ATP2A2: variants seen among roughly 807,000 people sequenced by gnomAD.
ATP2A2 encodes the protein ATPase sarcoplasmic/endoplasmic reticulum Ca2+ transporting 2, also known as sarcoplasmic/endoplasmic reticulum calcium ATPase 2.
In ATP2A2, 14 loss-of-function variants were observed where a neutral mutation model predicts 109.3. That is an observed-to-expected ratio of 0.13 (90% confidence interval 0.08 to 0.20). The LOEUF is 0.20. Among genes scored for constraint, ATP2A2 ranks in the 10% least tolerant of loss-of-function variants. ATP2A2 has a pLI of 1.00. For synonymous variants in ATP2A2, 506 were observed against 490.9 expected, an observed-to-expected ratio of 1.03 and a Z score of -0.41; for missense variants, 657 against 1,321.6, an observed-to-expected ratio of 0.50 and a Z score of 7.80.
At chr12:110,285,123 GACTT>G (rs149542264) in intron 3 of ATP2A2, among the ~76,000 whole-genome samples, 3,393 of 152,218 alleles carry the variant, frequency 0.022, 127 homozygotes, top group African/African-American at 0.076. Context: ...GAATATTAGT[GACTT>G]ACTTCAAATA....
rs1879732190 is a variant in ATP2A2 at position 110,345,246 on chromosome 12, C to T, written c.2608-3C>T. 6.2e-7 allele frequency: 1 copy of T among 1,614,122 alleles called. No homozygotes were observed. ...ATAGGAATTTGATTGGATTTTCTTGCAGAGTCATTTCCTACAGTGTAAAGA... is the reference window on the plus strand; with the variant it reads ...ATAGGAATTTGATTGGATTTTCTTGTAGAGTCATTTCCTACAGTGTAAAGA... On this transcript the variant is annotated splice_region_variant and splice_polypyrimidine_tract_variant and intron_variant, in intron 17 of 19. Transcript: ENST00000539276.
intron 11 of ATP2A2, among the ~76,000 whole-genome samples, chr12:110,338,054 G>A (rs1243400097): frequency 2.0e-5 from 3 of 152,242 alleles, no homozygotes; most frequent in South Asian, 4.1e-4. Context: ...TCTTCACTTG[G>A]CTTCCACGAT....
chr12:110,314,232 G>A (rs1876414374), intron 5 of ATP2A2, among the ~76,000 whole-genome samples: 2 of 151,900 alleles, frequency 1.3e-5, no homozygotes, highest in Admixed American at 1.3e-4. Context: ...GGAGGCTGAG[G>A]CAAGAGAATC....
At chr12:110,321,505 C>G (rs908178365) in intron 5 of ATP2A2, among the ~76,000 whole-genome samples, 1 of 152,208 alleles carries the variant, frequency 6.6e-6, no homozygotes, top group African/African-American at 2.4e-5. Flanking sequence ...AAGTCTCGCT[C>G]TGTCTCCAAA....
intron 11 of ATP2A2, among the ~76,000 whole-genome samples, chr12:110,334,569 T>C (rs1280204275): frequency 6.6e-6 from 1 of 151,688 alleles, no homozygotes; most frequent in Non-Finnish European, 1.5e-5. Context: ...ACACTTTCTT[T>C]TCCTGTTCAA....
Position 110,327,437 on chromosome 12 carries a change from G to T in ATP2A2, c.631-116G>T. The stretch of plus-strand genomic sequence containing the variant: ...TGGCTGGTTGCTTGAACAGTAGCCA[G>T]TGGAAGACCTAGTAGAATGTGTAGA... On this transcript the variant is annotated intron_variant, in intron 7 of 19. Transcript: ENST00000539276. The surrounding 1 kb of genome is among the most constrained non-coding windows in gnomAD (Gnocchi z 4.4). 1 of 946,710 alleles carries T rather than the reference G, an allele frequency of 1.1e-6. No individual in the cohort carries two copies. The highest frequency in any genetic ancestry group is 1.7e-5 in the Admixed American group (1 of 59,004). 58.6% of individuals were successfully genotyped at this position (946,710 alleles called of 1,614,324 possible).
intron 5 of ATP2A2, among the ~76,000 whole-genome samples, chr12:110,300,038 G>A (rs1874395376): frequency 6.6e-6 from 1 of 151,632 alleles, no homozygotes; most frequent in African/African-American, 2.4e-5. Flanking sequence ...TTACAGGAGT[G>A]AGCCACCACG....
chr12:110,327,447 T>A lies in ATP2A2; in HGVS notation c.631-106T>A. ...CTTGAACAGTAGCCAGTGGAAGACC[T>A]AGTAGAATGTGTAGAGAATCTGGGT... On this transcript the variant is annotated intron_variant, in intron 7 of 19. Coordinates refer to ENST00000539276, the MANE Select transcript of ATP2A2 (RefSeq NM_170665.4). This position sits in a 1 kb window ranked among gnomAD's most constrained non-coding sequence, Gnocchi z 4.4. 1 of 1,013,666 alleles carries A rather than the reference T, an allele frequency of 9.9e-7. No individual in the cohort carries two copies. Among genetic ancestry groups the A allele is most frequent in the Non-Finnish European group, 1.6e-6 (1 of 633,996 alleles). The allele number at this position is 1,013,666 out of a possible 1,614,324, so 62.8% of individuals were successfully genotyped here.
At chr12:110,330,575 C>T (rs187953187) in intron 8 of ATP2A2, 28 of 149,206 alleles carry the variant, frequency 1.9e-4, no homozygotes, top group African/African-American at 6.7e-4. Flanking sequence ...TGAAAGTAAG[C>T]CATGTGTAAA....
At chr12:110,320,716 C>T (rs930424465) in intron 5 of ATP2A2, among the ~76,000 whole-genome samples, 20 of 152,198 alleles carry the variant, frequency 1.3e-4, no homozygotes, top group African/African-American at 4.8e-4. Flanking sequence ...GCATTTCCAG[C>T]AGGAATTTCA....
chr12:110,340,358 G>A lies in ATP2A2; in HGVS notation c.1762-301G>A, dbSNP rs1879229986. Among the ~76,000 whole-genome samples, 1 of 152,038 alleles carries A rather than the reference G, an allele frequency of 6.6e-6. No homozygotes were observed. The highest frequency in any genetic ancestry group is 2.4e-5 in the African/African-American group (1 of 41,408). On this transcript the variant is annotated intron_variant, in intron 13 of 19. Coordinates refer to ENST00000539276, the MANE Select transcript of ATP2A2 (RefSeq NM_170665.4). The surrounding 1 kb of genome is among the most constrained non-coding windows in gnomAD (Gnocchi z 6.0). ...GTTTGAGACCAGCCTGACCAACATG[G>A]AGAAACCACATCTCTACTAAAAATA... is the stretch of plus-strand genomic sequence containing the variant.
chr12:110,334,689 G>C (rs1878669459), intron 11 of ATP2A2, among the ~76,000 whole-genome samples: 1 of 146,546 alleles, frequency 6.8e-6, no homozygotes, highest in Non-Finnish European at 1.5e-5. Context: ...CCAGGTTCAA[G>C]CGATTCTCCT....
intron 18 of ATP2A2, chr12:110,345,750 G>C: frequency 1.7e-6 from 1 of 596,732 alleles, no homozygotes; most frequent in South Asian, 1.9e-5. Flanking sequence ...CAAGTCTCCA[G>C]GGCAATTGGG....
At chr12:110,300,593 G>A (rs988082205) in intron 5 of ATP2A2, among the ~76,000 whole-genome samples, 4 of 150,336 alleles carry the variant, frequency 2.7e-5, no homozygotes, top group Non-Finnish European at 5.9e-5. Context: ...TCCCGCCTCA[G>A]CCTCCCAAAG....
intron 3 of ATP2A2, among the ~76,000 whole-genome samples, chr12:110,287,357 A>C (rs1191698972): frequency 6.6e-6 from 1 of 152,212 alleles, no homozygotes; most frequent in African/African-American, 2.4e-5. Flanking sequence ...CTTGTGGATA[A>C]TAATTGGGAG....
intron 8 of ATP2A2, chr12:110,330,507 G>A (rs1313266239): frequency 3.3e-5 from 5 of 152,158 alleles, no homozygotes; most frequent in Non-Finnish European, 7.3e-5. Context: ...TCTTATTTAC[G>A]ATTTTGTGTC....
chr12:110,346,538 T>A lies in ATP2A2; in HGVS notation c.*68T>A, dbSNP rs1252347095. ...ATTTTTTTATTGTTTAAAGCAACTG[T>A]CTATTTCTGCTGAATTTTCACATGA... On this transcript the variant is annotated 3_prime_UTR_variant, in exon 20 of 20. Transcript: ENST00000539276. The A allele has an allele frequency of 5.6e-6, 9 of 1,593,380 alleles. No homozygotes were observed. The highest frequency in any genetic ancestry group is 7.7e-6 in the Non-Finnish European group (9 of 1,171,744).
chr12:110,323,111 C>G, intron 6 of ATP2A2, 39 bp downstream of exon 6: 1 of 1,475,760 alleles, frequency 6.8e-7, no homozygotes, highest in East Asian at 2.3e-5. Flanking sequence ...TTCTGAAGAC[C>G]TTCGCATATT....
intron 5 of ATP2A2, among the ~76,000 whole-genome samples, chr12:110,304,203 T>G (rs1875004488): frequency 6.6e-6 from 1 of 152,216 alleles, no homozygotes; most frequent in South Asian, 2.1e-4. Context: ...TGTTTCCAGT[T>G]TTGGTCTATT....
Sources: gnomAD v4.1 joint callset for allele counts (sites outside exome capture counted in the v4.1 genomes callset) on GRCh38, gnomAD v4.1.1 for gene constraint, Gnocchi (gnomAD v3.1) non-coding constraint, MANE v1.5 for transcripts, NCBI Gene and HGNC (gene_info 2026-07-23, HGNC 2026-07-21) for gene names.